The following SLC32A1 variants were observed in gnomAD, a reference collection of about 807,000 sequenced individuals.
The protein encoded by SLC32A1 is vesicular inhibitory amino acid transporter.
SLC32A1 carries 8 observed loss-of-function variants against 35.5 expected under a neutral mutation model. That is an observed-to-expected ratio of 0.23 (90% CI 0.13 to 0.41). The LOEUF (loss-of-function observed/expected upper bound fraction) is 0.41. SLC32A1 is among the 10% of genes least tolerant of loss of function. The pLI, the probability that SLC32A1 is intolerant of heterozygous loss-of-function variation, is 1.00. For synonymous variants in SLC32A1, 317 were observed against 326.3 expected (o/e 0.97, Z 0.31); for missense variants, 493 against 722.3 (o/e 0.68, Z 3.64).
At chr20:38,725,543 C>A (rs565020031) in intron 1 of SLC32A1, among the ~76,000 whole-genome samples, 1 of 152,230 alleles carries the variant, frequency 6.6e-6, no homozygotes, top group East Asian at 1.9e-4. Context: ...CTCCTCCCCC[C>A]GCACACACGC....
At position 38,725,178 on chromosome 20, in the gene SLC32A1, C is replaced by G. The variant is rs372272937; in HGVS notation, c.390+64C>G. 3.4e-4 allele frequency: 508 copies of G among 1,486,430 alleles called. No homozygotes were observed. The East Asian group carries it at 0.011, about 32-fold the overall frequency. The allele number at this position is 1,486,430 out of a possible 1,614,324, so 92.1% of individuals were successfully genotyped here. A position where few individuals can be genotyped will look rare whatever the true frequency, so the allele number is the denominator to read the frequency against. On this transcript the variant is annotated intron_variant, in intron 1 of 1. Transcript: ENST00000217420. Reference sequence around the variant, plus strand: ...TCCCAGCTCAGCGTGCCGGGCTCTGCCCCCGACAGTCGCCCGGTGATCTCG... The same window carrying G: ...TCCCAGCTCAGCGTGCCGGGCTCTGGCCCCGACAGTCGCCCGGTGATCTCG...
chr20:38,729,073 C>T lies in SLC32A1; in HGVS notation c.*434C>T, dbSNP rs2084289819. 1 of 160,860 alleles carries T rather than the reference C, an allele frequency of 6.2e-6. No individual in the cohort carries two copies. The highest frequency in any genetic ancestry group is 2.4e-5 in the African/African-American group (1 of 41,740). 10.0% of individuals were successfully genotyped at this position (160,860 alleles called of 1,614,324 possible). A position where few individuals can be genotyped will look rare whatever the true frequency, so the allele number is the denominator to read the frequency against. On this transcript the variant is annotated 3_prime_UTR_variant, in exon 2 of 2. Coordinates refer to ENST00000217420, the MANE Select transcript of SLC32A1 (RefSeq NM_080552.3). ...CGTCCAGCCATTTCCAGCAAGAGCG[C>T]TTCCCATTCCGGAGACGTTTCAACC...
In SLC32A1 at chr20:38,728,494, T is replaced by C; in HGVS notation, c.1433T>C (p.Leu478Pro). The C allele has an allele frequency of 6.2e-7, 1 of 1,613,492 alleles. No individual in the cohort carries two copies. The highest frequency in any genetic ancestry group is 8.5e-7 in the Non-Finnish European group (1 of 1,179,976). ...TTCTTGCTGCCCAGCCTCTTTCACC[T>C]GCGCCTGCTCTGGCGCAAGCTGCTG... ...LCFLLPSLFH[L>P]RLLWRKLLWH... is the part of the protein sequence containing the mutation. Residue 478 changes from leucine (L) to proline (P), a missense_variant, in exon 2 of 2, where the codon CTG becomes CCG. This residue lies in a region of SLC32A1 where 269 missense variants were observed against 445.6 expected (regional missense o/e 0.60). Coordinates refer to ENST00000217420, the MANE Select transcript of SLC32A1 (RefSeq NM_080552.3).
chr20:38,727,382 GC>G, intron 1 of SLC32A1, 69 bp from the exon 2 acceptor site: 10 of 1,459,946 alleles, frequency 6.8e-6, no homozygotes, highest in South Asian at 1.2e-5. Context: ...GTTAAGCCAC[GC>G]CCCCCGGGCC....
rs2084283824 is a variant in SLC32A1, at chr20:38,727,955, G to A, written c.894G>A (p.Lys298=). Residue 298 remains lysine, a synonymous_variant, in exon 2 of 2, where the codon AAG becomes AAA. Coordinates refer to ENST00000217420, the MANE Select transcript of SLC32A1 (RefSeq NM_080552.3). The stretch of plus-strand genomic sequence containing the variant: ...GCGACTGGGCCTGGGAGAAGGTCAA[G>A]TTCTACATCGACGTCAAGAAGTTCC... The part of the protein sequence containing the change: ...RARDWAWEKV[K]FYIDVKKFPI... 4 of 1,614,036 alleles carry A rather than the reference G, an allele frequency of 2.5e-6. No individual in the cohort carries two copies. Among genetic ancestry groups the A allele is most frequent in the Non-Finnish European group, 1.7e-6 (2 of 1,180,050 alleles).
Position 38,728,792 on chromosome 20 carries a change from G to GT in SLC32A1, c.*153_*154insT. On this transcript the variant is annotated 3_prime_UTR_variant, in exon 2 of 2. Coordinates refer to ENST00000217420, the MANE Select transcript of SLC32A1 (RefSeq NM_080552.3). ...TTTCTGATTATTCGGGGATGGGGGG[G>GT]ATGGGAGGGGACAGGGATTCACGAT... 2 of 344,142 alleles carry GT rather than the reference G, an allele frequency of 5.8e-6. No individual in the cohort carries two copies. The highest frequency in any genetic ancestry group is 1.1e-5 in the Non-Finnish European group (2 of 175,556). The allele number at this position is 344,142 out of a possible 1,614,324, so 21.3% of individuals were successfully genotyped here. A position where few individuals can be genotyped will look rare whatever the true frequency, so the allele number is the denominator to read the frequency against.
rs2084269814 is a variant in SLC32A1, at chr20:38,725,084, G to A, written c.360G>A (p.Glu120=). The A allele has an allele frequency of 4.0e-6, 6 of 1,518,744 alleles. No homozygotes were observed. In the African/African-American group the frequency reaches 7.0e-5, roughly 18 times the overall value. The allele number at this position is 1,518,744 out of a possible 1,614,324, so 94.1% of individuals were successfully genotyped here. The change falls in exon 1 of 2, where the codon GAG becomes GAA. Residue 120 remains glutamate (E), a synonymous_variant. Coordinates refer to ENST00000217420, the MANE Select transcript of SLC32A1 (RefSeq NM_080552.3). ...ACAAGCCCAAAATCACGGCGTGGGA[G>A]GCAGGCTGGAACGTGACCAACGCCA... ...GHDKPKITAW[E]AGWNVTNAIQ... is the part of the protein sequence containing the mutation.
rs2084267075 is a variant in SLC32A1 at position 38,724,629 on chromosome 20, A to T, written c.-96A>T. 3.5e-6 allele frequency: 5 copies of T among 1,448,370 alleles called. No homozygotes were observed. The East Asian group carries it at 1.2e-4, about 34-fold the overall frequency. 89.7% of individuals were successfully genotyped at this position (1,448,370 alleles called of 1,614,324 possible). A position where few individuals can be genotyped will look rare whatever the true frequency, so the allele number is the denominator to read the frequency against. On this transcript the variant is annotated 5_prime_UTR_variant, in exon 1 of 2. It introduces an in-frame stop codon into an upstream open reading frame of the 5' UTR. Transcript: ENST00000217420. ...GGGGCGCCGCGCGGAGAGCAAGCGG[A>T]GATAGCGACTTTGCGCCCCCCAGCC...
rs1168086793 is a variant in SLC32A1, at chr20:38,728,271, G to A, written c.1210G>A (p.Val404Met). ...TCTGCCATTCTTTGCCGCTGTCGAG[G>A]TGCTGGAGAAGTCGCTCTTCCAGGA... ...YPLPFFAAVE[V>M]LEKSLFQEGS... is the part of the protein sequence containing the mutation. The change falls in exon 2 of 2, where the codon GTG becomes ATG. Residue 404 changes from valine (V) to methionine (M), a missense_variant. By Grantham distance (21) the Val-to-Met change is conservative. Coordinates refer to ENST00000217420, the MANE Select transcript of SLC32A1 (RefSeq NM_080552.3). The A allele has an allele frequency of 1.9e-6, 3 of 1,613,860 alleles. No homozygotes were observed. Among genetic ancestry groups the A allele is most frequent in the Admixed American group, 1.7e-5 (1 of 60,032 alleles).
rs763830019 is a variant in SLC32A1 at position 38,727,809 on chromosome 20, G to T, written c.748G>T (p.Val250Leu). Residue 250 changes from valine to leucine, a missense_variant, in exon 2 of 2, where the codon GTG becomes TTG. Physicochemically the swap from Val to Leu is conservative, Grantham distance 32 (BLOSUM62 1). Around this residue, in one of 4 missense-constraint regions of SLC32A1, gnomAD observed 269 missense variants for 445.6 expected, o/e 0.60. Transcript: ENST00000217420. ...QKSWSIIATA[V>L]LLPCAFLKNL... ...GTCCTGGTCCATTATCGCCACGGCC[G>T]TGCTGCTGCCTTGCGCCTTCCTTAA... is the stretch of plus-strand genomic sequence containing the variant. The T allele has an allele frequency of 2.5e-6, 4 of 1,614,186 alleles. No homozygotes were observed. The highest frequency in any genetic ancestry group is 3.4e-6 in the Non-Finnish European group (4 of 1,180,038).
Position 38,728,787 on chromosome 20 carries a change from G to T in SLC32A1, c.*148G>T. 1.6e-6 allele frequency: 1 copy of T among 628,680 alleles called. No individual in the cohort carries two copies. Among genetic ancestry groups the T allele is most frequent in the Non-Finnish European group, 2.7e-6 (1 of 369,042 alleles). The allele number at this position is 628,680 out of a possible 1,614,324, so 38.9% of individuals were successfully genotyped here. A position where few individuals can be genotyped will look rare whatever the true frequency, so the allele number is the denominator to read the frequency against. ...CCTAGTTTCTGATTATTCGGGGATGGGGGGGATGGGAGGGGACAGGGATTC... is the reference window on the plus strand; with the variant it reads ...CCTAGTTTCTGATTATTCGGGGATGTGGGGGATGGGAGGGGACAGGGATTC... On this transcript the variant is annotated 3_prime_UTR_variant, in exon 2 of 2. Transcript: ENST00000217420.
In SLC32A1 at chr20:38,728,431, TG is replaced by T. The variant is rs756960421; in HGVS notation, c.1373del (p.Gly458AlafsTer111). On this transcript the variant is annotated frameshift_variant, in exon 2 of 2. Coordinates refer to ENST00000217420, the MANE Select transcript of SLC32A1 (RefSeq NM_080552.3). LOFTEE classifies it high-confidence loss of function. ...TATGTGCCGCACTTCGCGCTGCTCATGGGCCTCACCGGCAGCCTCACGGGCG... is the reference window on the plus strand; with the variant it reads ...TATGTGCCGCACTTCGCGCTGCTCATGGCCTCACCGGCAGCCTCACGGGCG... ...AIYVPHFALL[M>X]GLTGSLTGAG... 6.2e-7 allele frequency: 1 copy of T among 1,612,022 alleles called. No individual in the cohort carries two copies. Among genetic ancestry groups the T allele is most frequent in the African/African-American group, 1.3e-5 (1 of 74,972 alleles).
At position 38,727,928 on chromosome 20, in the gene SLC32A1, G is replaced by T. The variant is rs760283518; in HGVS notation, c.867G>T (p.Ala289=). ...TCATAGCCTACTGTCTATCGCGGGC[G>T]CGCGACTGGGCCTGGGAGAAGGTCA... ...ILVIAYCLSR[A]RDWAWEKVKF... Residue 289 remains alanine (A), a synonymous_variant, in exon 2 of 2, where the codon GCG becomes GCT. Transcript: ENST00000217420. The T allele has an allele frequency of 6.2e-7, 1 of 1,614,174 alleles. No individual in the cohort carries two copies. Among genetic ancestry groups the T allele is most frequent in the Admixed American group, 1.7e-5 (1 of 60,024 alleles).
At position 38,728,497 on chromosome 20, in the gene SLC32A1, G is replaced by T. The variant is rs1430273913; in HGVS notation, c.1436G>T (p.Arg479Leu). ...TTGCTGCCCAGCCTCTTTCACCTGC[G>T]CCTGCTCTGGCGCAAGCTGCTGTGG... is the stretch of plus-strand genomic sequence containing the variant. ...CFLLPSLFHL[R>L]LLWRKLLWHQ... The change falls in exon 2 of 2, where the codon CGC (arginine) becomes CTC (leucine). Residue 479 changes from arginine to leucine, a missense_variant. By Grantham distance (102) the Arg-to-Leu change is moderately radical. Around this residue, in one of 4 missense-constraint regions of SLC32A1, gnomAD observed 269 missense variants for 445.6 expected, o/e 0.60. Transcript: ENST00000217420. 6.2e-7 allele frequency: 1 copy of T among 1,613,430 alleles called. No individual in the cohort carries two copies. Among genetic ancestry groups the T allele is most frequent in the Admixed American group, 1.7e-5 (1 of 60,030 alleles).
rs2084283407 is a variant in SLC32A1, at chr20:38,727,871, C to T, written c.810C>T (p.Cys270=). The change falls in exon 2 of 2, where the codon TGC becomes TGT. Residue 270 remains cysteine (C), a synonymous_variant. Transcript: ENST00000217420. ...LKAVSKFSLL[C]TLAHFVINIL... Reference sequence around the variant, plus strand: ...CCGTGTCCAAGTTCAGTCTGCTGTGCACTCTGGCCCACTTCGTCATCAATA... The same window carrying T: ...CCGTGTCCAAGTTCAGTCTGCTGTGTACTCTGGCCCACTTCGTCATCAATA... The T allele has an allele frequency of 6.2e-7, 1 of 1,614,248 alleles. No homozygotes were observed. The highest frequency in any genetic ancestry group is 8.5e-7 in the Non-Finnish European group (1 of 1,180,046).
rs2084277237 is a variant in SLC32A1 at position 38,726,618 on chromosome 20, G to A, written c.391-834G>A. On this transcript the variant is annotated intron_variant, in intron 1 of 1. Transcript: ENST00000217420. This position sits in a 1 kb window ranked among gnomAD's most constrained non-coding sequence, Gnocchi z 4.7. ...CTGGTTCTAGACTCTTGCTCGGTTC[G>A]GCTTTCTGGCCTCCCTGGCGCCTTC... 6.6e-6 allele frequency among the ~76,000 whole-genome samples: 1 copy of A among 152,104 alleles called. No homozygotes were observed. Among genetic ancestry groups the A allele is most frequent in the African/African-American group, 2.4e-5 (1 of 41,410 alleles).
In SLC32A1 at chr20:38,726,646, G is replaced by T. The variant is rs537077747; in HGVS notation, c.391-806G>T. Among the ~76,000 whole-genome samples, 3 of 152,198 alleles carry T rather than the reference G, an allele frequency of 2.0e-5. No individual in the cohort carries two copies. Among genetic ancestry groups the T allele is most frequent in the South Asian group, 4.2e-4 (2 of 4,818 alleles). On this transcript the variant is annotated intron_variant, in intron 1 of 1. Coordinates refer to ENST00000217420, the MANE Select transcript of SLC32A1 (RefSeq NM_080552.3). The surrounding 1 kb of genome is among the most constrained non-coding windows in gnomAD (Gnocchi z 4.7). ...TTTCTGGCCTCCCTGGCGCCTTCCCGCCAAGCTCCTCCTCCTGCTTGCCTC... is the reference window on the plus strand; with the variant it reads ...TTTCTGGCCTCCCTGGCGCCTTCCCTCCAAGCTCCTCCTCCTGCTTGCCTC...
Position 38,724,770 on chromosome 20 carries a change from G to A in SLC32A1, c.46G>A (p.Val16Met). ...RSKLSNVATS[V>M]SNKSQAKMSG... ...CAAGCTGTCCAACGTGGCCACGTCC[G>A]TGTCCAACAAGTCCCAGGCCAAGAT... is the stretch of plus-strand genomic sequence containing the variant. The change falls in exon 1 of 2, where the codon GTG (valine) becomes ATG (methionine). Residue 16 changes from valine to methionine, a missense_variant. Around this residue, in one of 4 missense-constraint regions of SLC32A1, gnomAD observed 133 missense variants for 145.9 expected, o/e 0.91. Transcript: ENST00000217420. 1 of 1,613,662 alleles carries A rather than the reference G, an allele frequency of 6.2e-7. No individual in the cohort carries two copies.
Position 38,728,712 on chromosome 20 carries a change from G to A in SLC32A1, c.*73G>A. The stretch of plus-strand genomic sequence containing the variant: ...CCCTCACCCCGCCCCCACCAGCCCA[G>A]TGCGCCCTGCCGCCGCGCTTGGGAG... On this transcript the variant is annotated 3_prime_UTR_variant, in exon 2 of 2. Transcript: ENST00000217420. 1 of 1,401,810 alleles carries A rather than the reference G, an allele frequency of 7.1e-7. No homozygotes were observed. The highest frequency in any genetic ancestry group is 9.5e-7 in the Non-Finnish European group (1 of 1,051,252). 86.8% of individuals were successfully genotyped at this position (1,401,810 alleles called of 1,614,324 possible).
Sources: gnomAD v4.1 joint callset for allele counts (sites outside exome capture counted in the v4.1 genomes callset) on GRCh38, gnomAD v4.1.1 for gene constraint, gnomAD v4.1.1 regional missense constraint, Gnocchi (gnomAD v3.1) non-coding constraint, MANE v1.5 for transcripts, NCBI Gene and HGNC (gene_info 2026-07-23, HGNC 2026-07-21) for gene names.